The following CNIH3 variants were observed in gnomAD, a reference collection of about 807,000 sequenced individuals.
CNIH3 encodes the protein cornichon family AMPA receptor auxiliary protein 3, also known as protein cornichon homolog 3.
Under a neutral mutation model 24.1 loss-of-function variants are expected in CNIH3, and 14 were observed. The observed-to-expected ratio is 0.58, with a 90% confidence interval of 0.38 to 0.91. The LOEUF is 0.91. Among genes scored for constraint, CNIH3 ranks in the 40% least tolerant of loss-of-function variants. CNIH3 has a pLI of 0.00. For missense variants in CNIH3, 178 were observed against 196.8 expected (o/e 0.90, Z 0.57); for synonymous variants, 68 against 73.8 (o/e 0.92, Z 0.40).
At chr1:224,522,747 C>A (rs532426805) in intron 2 of CNIH3, among the ~76,000 whole-genome samples, 1 of 152,336 alleles carries the variant, frequency 6.6e-6, no homozygotes, top group African/African-American at 2.4e-5. Context: ...CCTAAAAAAA[C>A]AACTGATCAT....
intron 2 of CNIH3, among the ~76,000 whole-genome samples, chr1:224,544,555 G>A (rs1432969434): frequency 6.6e-6 from 1 of 152,160 alleles, no homozygotes; most frequent in African/African-American, 2.4e-5. Flanking sequence ...GTCTTGGAAT[G>A]GTGGGAGAAC....
intron 3 of CNIH3, among the ~76,000 whole-genome samples, chr1:224,725,060 A>T (rs1688944884): frequency 6.6e-6 from 1 of 152,086 alleles, no homozygotes; most frequent in Admixed American, 6.5e-5. Flanking sequence ...AAATACAAAA[A>T]TTAGCCGGGC....
intron 1 of CNIH3, among the ~76,000 whole-genome samples, chr1:224,463,021 C>T (rs1220341163): frequency 2.6e-5 from 4 of 151,556 alleles, no homozygotes; most frequent in African/African-American, 9.7e-5. Context: ...CCTCAGCCTC[C>T]CGAGTAGCTG....
At chr1:224,611,051 G>A (rs922881609) in intron 3 of CNIH3, among the ~76,000 whole-genome samples, 4 of 152,166 alleles carry the variant, frequency 2.6e-5, no homozygotes, top group Non-Finnish European at 5.9e-5. Context: ...ATTTCATAAA[G>A]CCTGAAATGA....
intron 1 of CNIH3, among the ~76,000 whole-genome samples, chr1:224,648,886 AT>A (rs1286581089): frequency 6.6e-6 from 1 of 152,090 alleles, no homozygotes; most frequent in Non-Finnish European, 1.5e-5. Flanking sequence ...CCACTACAAA[AT>A]CCCCCTTAGC....
rs1007580280 is a variant in CNIH3 at position 224,651,693 on chromosome 1, G to A, written c.82-29265G>A. ...CGGTAAAGGTCTAACTCAGAACTGC[G>A]TAATATTCCAGATTTAGATGTGTCA... On this transcript the variant is annotated intron_variant, in intron 1 of 5. Coordinates refer to ENST00000272133, the MANE Select transcript of CNIH3 (RefSeq NM_152495.2). 4.6e-5 allele frequency among the ~76,000 whole-genome samples: 7 copies of A among 152,280 alleles called. No individual in the cohort carries two copies. The South Asian group carries it at 6.2e-4, about 14-fold the overall frequency.
intron 3 of CNIH3, among the ~76,000 whole-genome samples, chr1:224,605,422 C>T (rs1682377950): frequency 6.6e-6 from 1 of 152,196 alleles, no homozygotes; most frequent in African/African-American, 2.4e-5. Context: ...GCCAAGCTAA[C>T]TTTGGGAGAA....
At chr1:224,555,045 G>T (rs1357818986) in intron 3 of CNIH3, among the ~76,000 whole-genome samples, 1 of 152,154 alleles carries the variant, frequency 6.6e-6, no homozygotes, top group African/African-American at 2.4e-5. Context: ...TTTGTTGGGG[G>T]TAGTAGGGGA....
upstream of CNIH3, among the ~76,000 whole-genome samples, chr1:224,515,134 GC>G (rs1678327586): frequency 6.6e-6 from 1 of 152,198 alleles, no homozygotes; most frequent in South Asian, 2.1e-4. Flanking sequence ...TTTTCCTACT[GC>G]TTCTGGAAGG....
chr1:224,511,717 G>A (rs1678158376), upstream of CNIH3, among the ~76,000 whole-genome samples: 1 of 152,108 alleles, frequency 6.6e-6, no homozygotes, highest in Admixed American at 6.5e-5. Context: ...ACCTGGGTGT[G>A]GTGGCATACA....
chr1:224,617,470 G>A (rs537568913), intron 1 of CNIH3, among the ~76,000 whole-genome samples: 2 of 152,216 alleles, frequency 1.3e-5, no homozygotes, highest in South Asian at 4.1e-4. Context: ...GCCCAGGTAG[G>A]ACACCCTCTG....
chr1:224,580,364 T>A (rs1681220378), intron 4 of CNIH3, among the ~76,000 whole-genome samples: 1 of 152,134 alleles, frequency 6.6e-6, no homozygotes, highest in Non-Finnish European at 1.5e-5. Context: ...AATGTAGAGG[T>A]TTATTTTGCC....
At chr1:224,677,509 G>A (rs930029667) in intron 1 of CNIH3, among the ~76,000 whole-genome samples, 2 of 152,190 alleles carry the variant, frequency 1.3e-5, no homozygotes, top group Non-Finnish European at 2.9e-5. Flanking sequence ...TGGGTGCACT[G>A]CCATCACATC....
intron 1 of CNIH3, among the ~76,000 whole-genome samples, chr1:224,462,651 T>G (rs1675964086): frequency 6.7e-6 from 1 of 149,090 alleles, no homozygotes; most frequent in African/African-American, 2.5e-5. Flanking sequence ...TTTTTTTTTT[T>G]TTTTTTTGAG....
intron 3 of CNIH3, among the ~76,000 whole-genome samples, chr1:224,705,771 A>G (rs1687752988): frequency 6.6e-6 from 1 of 150,424 alleles, no homozygotes; most frequent in South Asian, 2.1e-4. Context: ...ATTAAGCACC[A>G]TTCACTTGCC....
chr1:224,461,128 G>A (rs1396382628), intron 1 of CNIH3, among the ~76,000 whole-genome samples: 2 of 151,306 alleles, frequency 1.3e-5, no homozygotes, highest in East Asian at 1.9e-4. Flanking sequence ...TTGGCTTCCC[G>A]AGTAGCTGGG....
At chr1:224,652,083 T>G (rs1285498173) in intron 1 of CNIH3, among the ~76,000 whole-genome samples, 4 of 152,038 alleles carry the variant, frequency 2.6e-5, no homozygotes, top group Non-Finnish European at 5.9e-5. Flanking sequence ...TTTCATAACA[T>G]TATTGACCTG....
intron 5 of CNIH3, 98 bp downstream of exon 5, chr1:224,734,804 G>C: frequency 7.8e-7 from 1 of 1,280,224 alleles, no homozygotes; most frequent in Non-Finnish European, 1.1e-6. Context: ...GATGGCGTGC[G>C]AGGGTGGGAG....
chr1:224,502,819 GC>G (rs748394463), intron 1 of CNIH3, among the ~76,000 whole-genome samples: 2 of 152,216 alleles, frequency 1.3e-5, no homozygotes, highest in Non-Finnish European at 2.9e-5. Context: ...CTGAAAGGAA[GC>G]CGTGGATTTA....
Sources: gnomAD v4.1 joint callset for allele counts (sites outside exome capture counted in the v4.1 genomes callset) on GRCh38, gnomAD v4.1.1 for gene constraint, MANE v1.5 for transcripts, NCBI Gene and HGNC (gene_info 2026-07-23, HGNC 2026-07-21) for gene names.